COL5A1: variants seen among roughly 807,000 people sequenced by gnomAD.
COL5A1 encodes the protein collagen alpha-1(V) chain.
COL5A1 carries 16 observed loss-of-function variants against 263.7 expected under a neutral mutation model. The ratio of observed to expected loss-of-function variants is 0.06; its 90% CI spans 0.04 to 0.09. The LOEUF is 0.09. COL5A1 is among the 10% of genes least tolerant of loss of function. COL5A1 has a pLI of 1.00. For missense variants in COL5A1, 2,036 were observed against 2,540.5 expected (o/e 0.80, Z 4.27); for synonymous variants, 1,012 against 1,004.5 (o/e 1.01, Z -0.14).
intron 11 of COL5A1, among the ~76,000 whole-genome samples, chr9:134,740,353 C>A (rs543917974): frequency 1.1e-3 from 172 of 152,338 alleles, no homozygotes; most frequent in African/African-American, 3.9e-3. Context: ...CCCCTTCCCC[C>A]AGATTCGCGT....
chr9:134,762,125 G>C (rs1051789426), intron 19 of COL5A1, 147 bp downstream of exon 19: 5 of 809,620 alleles, frequency 6.2e-6, no homozygotes, highest in Non-Finnish European at 1.1e-5. Context: ...GGGGATTCCA[G>C]TGGGCAAAGC....
rs1830132157 is a variant in COL5A1, at chr9:134,842,346, A to G, written c.*43A>G. ...CTCCCGAGAGCAACCTCGTGACCTC[A>G]GCATGCCATTCGTTCGTGAGTGTCC... On this transcript the variant is annotated 3_prime_UTR_variant, in exon 66 of 66. Transcript: ENST00000371817. The surrounding 1 kb of genome is among the most constrained non-coding windows in gnomAD (Gnocchi z 5.8). 6.2e-7 allele frequency: 1 copy of G among 1,611,684 alleles called. No homozygotes were observed. Among genetic ancestry groups the G allele is most frequent in the South Asian group, 1.1e-5 (1 of 90,876 alleles).
intron 5 of COL5A1, among the ~76,000 whole-genome samples, chr9:134,728,436 C>A (rs529517132): frequency 6.6e-6 from 1 of 152,218 alleles, no homozygotes; most frequent in Non-Finnish European, 1.5e-5. Context: ...TCTGACTGCT[C>A]GAGGGGACCT....
At chr9:134,831,973 C>T (rs2132915103) in intron 64 of COL5A1, among the ~76,000 whole-genome samples, 1 of 152,288 alleles carries the variant, frequency 6.6e-6, no homozygotes, top group South Asian at 2.1e-4. Flanking sequence ...CAAAGATACC[C>T]AGATTTTTCA....
In COL5A1 at chr9:134,647,968, C is replaced by T. The variant is rs931091353; in HGVS notation, c.109+5672C>T. 6.6e-6 allele frequency among the ~76,000 whole-genome samples: 1 copy of T among 152,052 alleles called. No homozygotes were observed. Among genetic ancestry groups the T allele is most frequent in the Admixed American group, 6.5e-5 (1 of 15,270 alleles). ...TTGAAGGATACAAGTATTAATCCTG[C>T]GTGTGTCTATGAGAGTGTTGCCAAA... On this transcript the variant is annotated intron_variant, in intron 1 of 65. Transcript: ENST00000371817. This position sits in a 1 kb window ranked among gnomAD's most constrained non-coding sequence, Gnocchi z 5.0.
chr9:134,653,424 A>C (rs368460841), intron 1 of COL5A1: 2 of 152,250 alleles, frequency 1.3e-5, no homozygotes, highest in African/African-American at 4.8e-5. Context: ...AGGCCAGCCC[A>C]CGCCCCCGCA....
intron 59 of COL5A1, among the ~76,000 whole-genome samples, chr9:134,822,629 C>T (rs889451764): frequency 1.4e-4 from 21 of 151,790 alleles, no homozygotes; most frequent in South Asian, 1.0e-3. Context: ...GCCCCTGGCA[C>T]GCTGAGGGCT....
chr9:134,750,724 C>T, intron 12 of COL5A1, 66 bp from the exon 13 acceptor site: 2 of 1,598,774 alleles, frequency 1.3e-6, no homozygotes, highest in Middle Eastern at 1.7e-4. Flanking sequence ...GGCCCCGTCT[C>T]AGTCTGTGGT....
At chr9:134,710,299 T>G (rs1159284346) in intron 4 of COL5A1, among the ~76,000 whole-genome samples, 1 of 152,220 alleles carries the variant, frequency 6.6e-6, no homozygotes, top group Non-Finnish European at 1.5e-5. Flanking sequence ...ATGATGATGG[T>G]AGTCATAGTG....
chr9:134,747,656 G>GGCAA (rs1564428223), intron 11 of COL5A1, among the ~76,000 whole-genome samples: 2 of 134,428 alleles, frequency 1.5e-5, no homozygotes, highest in Admixed American at 1.5e-4. Context: ...TACACATGCA[G>GGCAA]ACACATGCAC....
In COL5A1 at chr9:134,652,587, C is replaced by A; in HGVS notation, c.109+10291C>A. ...CTATCGGCCTGTAGTTGGGGGAGTC[C>A]GAGGATGCTGCTCTGCACCCCACAG... is the stretch of plus-strand genomic sequence containing the variant. On this transcript the variant is annotated intron_variant, in intron 1 of 65. Coordinates refer to ENST00000371817, the MANE Select transcript of COL5A1 (RefSeq NM_000093.5). This position sits in a 1 kb window ranked among gnomAD's most constrained non-coding sequence, Gnocchi z 4.4. 1 of 401,598 alleles carries A rather than the reference C, an allele frequency of 2.5e-6. No individual in the cohort carries two copies. The highest frequency in any genetic ancestry group is 5.3e-6 in the Non-Finnish European group (1 of 186,954). The allele number at this position is 401,598 out of a possible 1,614,324, so 24.9% of individuals were successfully genotyped here.
At chr9:134,660,471 TC>T (rs1832168171) in intron 1 of COL5A1, among the ~76,000 whole-genome samples, 1 of 152,248 alleles carries the variant, frequency 6.6e-6, no homozygotes. Context: ...ATTTCTAGTT[TC>T]AGGTCACCTC....
chr9:134,806,274 C>T lies in COL5A1; in HGVS notation c.3344C>T (p.Pro1115Leu), dbSNP rs139039658. 14 of 1,549,274 alleles carry T rather than the reference C, an allele frequency of 9.0e-6. No homozygotes were observed. The highest frequency in any genetic ancestry group is 7.3e-5 in the East Asian group (3 of 40,902). Residue 1115 changes from proline to leucine, a missense_variant, in exon 42 of 66, where the codon CCG becomes CTG. Pro to Leu is a moderately conservative substitution (Grantham distance 98). Around this residue, in one of 3 missense-constraint regions of COL5A1, gnomAD observed 1,078 missense variants for 1,521.4 expected, o/e 0.71. Transcript: ENST00000371817. ...CCTGGGCCCCAGGGACCCCCAGGGC[C>T]GGCAGGAGAGAAAGGGGCTCCTGTA... ...GRPGPQGPPG[P>L]AGEKGAPGEK...
chr9:134,762,299 C>T (rs1054416579), intron 19 of COL5A1, among the ~76,000 whole-genome samples: 3 of 152,324 alleles, frequency 2.0e-5, no homozygotes, highest in African/African-American at 2.4e-5. Flanking sequence ...GTGGCCAGAG[C>T]GTTTACTGAG....
chr9:134,793,697 C>T (rs548922529), intron 32 of COL5A1, among the ~76,000 whole-genome samples: 65 of 152,278 alleles, frequency 4.3e-4, no homozygotes, highest in Middle Eastern at 3.4e-3. Context: ...CTCATTCGCA[C>T]CTAAATGCCA....
intron 42 of COL5A1, among the ~76,000 whole-genome samples, chr9:134,806,920 C>T (rs1186788463): frequency 6.6e-6 from 1 of 152,180 alleles, no homozygotes; most frequent in African/African-American, 2.4e-5. Context: ...CCGAATTTTG[C>T]AGGCTTTGTG....
chr9:134,792,979 G>T (rs998242645), intron 32 of COL5A1, among the ~76,000 whole-genome samples: 1 of 152,084 alleles, frequency 6.6e-6, no homozygotes, highest in African/African-American at 2.4e-5. Flanking sequence ...CCTGCTGTCT[G>T]TCTGCCTGGT....
chr9:134,701,360 G>C, intron 4 of COL5A1, 27 bp downstream of exon 4: 1 of 1,609,070 alleles, frequency 6.2e-7, no homozygotes, highest in Non-Finnish European at 8.5e-7. Flanking sequence ...ACCAACCCCT[G>C]TGCCCACCAG....
At chr9:134,838,436 C>T (rs1162226289) in intron 65 of COL5A1, among the ~76,000 whole-genome samples, 1 of 152,234 alleles carries the variant, frequency 6.6e-6, no homozygotes, top group East Asian at 1.9e-4. Flanking sequence ...GAAGCTGGCA[C>T]TTCTGGGGTG....
Sources: allele counts gnomAD v4.1 joint callset (sites outside exome capture counted in the v4.1 genomes callset), GRCh38; gene constraint gnomAD v4.1.1; regional missense constraint gnomAD v4.1.1; non-coding constraint Gnocchi (gnomAD v3.1); transcripts MANE v1.5; gene names NCBI Gene and HGNC (gene_info 2026-07-23, HGNC 2026-07-21).